Variants in ARRDC3 observed in about 807,000 individuals in gnomAD.
ARRDC3 encodes the protein arrestin domain containing 3.
A neutral mutation model predicts 47.2 loss-of-function variants in ARRDC3; 10 were observed. The observed-to-expected ratio is 0.21, with a 90% CI of 0.13 to 0.36. The LOEUF is 0.36. ARRDC3 is among the 10% of genes least tolerant of loss of function. The probability of loss-of-function intolerance (pLI) is 1.00; values close to 1 mark genes in which losing one functional copy is unlikely to be tolerated. For missense variants in ARRDC3, 381 were observed against 503.6 expected (o/e 0.76, Z 2.33); for synonymous variants, 156 against 178.3 (o/e 0.87, Z 1.00).
intron 5 of ARRDC3, among the ~76,000 whole-genome samples, chr5:91,374,687 C>A (rs939725750): frequency 5.9e-5 from 9 of 152,062 alleles, no homozygotes; most frequent in Non-Finnish European, 1.0e-4. Flanking sequence ...AGTTCAAGAC[C>A]AACCTGGGCG....
intron 1 of ARRDC3, among the ~76,000 whole-genome samples, chr5:91,382,226 T>G (rs1168394153): frequency 1.3e-5 from 2 of 152,188 alleles, no homozygotes; most frequent in Non-Finnish European, 2.9e-5. Flanking sequence ...ATGCTGGGTG[T>G]AAATTTTTAA....
chr5:91,382,429 C>T (rs1799475290), intron 1 of ARRDC3, among the ~76,000 whole-genome samples: 1 of 152,194 alleles, frequency 6.6e-6, no homozygotes, highest in African/African-American at 2.4e-5. Context: ...TCAGTTTTTA[C>T]ATCTTAGGTT....
At chr5:91,374,034 G>A (rs1799242401) in intron 6 of ARRDC3, 80 bp downstream of exon 6, 1 of 1,499,030 alleles carries the variant, frequency 6.7e-7, no homozygotes, top group Non-Finnish European at 9.1e-7. Context: ...TTCATCTAGG[G>A]TCATAAAATA....
rs555484297 is a variant in ARRDC3 at position 91,375,039 on chromosome 5, A to T, written c.753T>A (p.Arg251=). The change falls in exon 5 of 8, where the codon CGT becomes CGA. Residue 251 remains arginine (R), a synonymous_variant. Coordinates refer to ENST00000265138, the MANE Select transcript of ARRDC3 (RefSeq NM_020801.4). Reference sequence around the variant, plus strand: ...TCTTTCCAGATGATAAGGATTCCCCACGCAAGTTAGCCACAAGCTGTTTTA... The same window carrying T: ...TCTTTCCAGATGATAAGGATTCCCCTCGCAAGTTAGCCACAAGCTGTTTTA... The part of the protein sequence containing the change: ...KEVKQLVANL[R]GESLSSGKTE... 140 of 1,614,246 alleles carry T rather than the reference A, an allele frequency of 8.7e-5. No individual in the cohort carries two copies. Among genetic ancestry groups the T allele is most frequent in the Non-Finnish European group, 1.1e-4 (134 of 1,180,036 alleles).
At position 91,376,762 on chromosome 5, in the gene ARRDC3, G is replaced by C. The variant is rs758996513; in HGVS notation, c.369C>G (p.Leu123=). The stretch of plus-strand genomic sequence containing the variant: ...CATGTCGGCCTTCGAATGAGGTAGC[G>C]AGTGGTCTGTGCAGAATATAAAGGT... ...AFSFELPQTP[L]ATSFEGRHGS... The change falls in exon 3 of 8, where the codon CTC becomes CTG. Residue 123 remains leucine, a synonymous_variant. Coordinates refer to ENST00000265138, the MANE Select transcript of ARRDC3 (RefSeq NM_020801.4). 2.5e-6 allele frequency: 4 copies of C among 1,613,286 alleles called. No individual in the cohort carries two copies. The African/African-American group carries it at 4.0e-5, about 16-fold the overall frequency.
Position 91,368,634 on chromosome 5 carries a change from C to T in ARRDC3, c.*2766G>A, listed in dbSNP as rs558446600. The stretch of plus-strand genomic sequence containing the variant: ...TAGATACAATTCTTACCCAGAATGG[C>T]TTAAAATAGAGTTTAATAGTTTAAT... On this transcript the variant is annotated 3_prime_UTR_variant, in exon 8 of 8. Coordinates refer to ENST00000265138, the MANE Select transcript of ARRDC3 (RefSeq NM_020801.4). 2 of 152,272 alleles carry T rather than the reference C, an allele frequency of 1.3e-5. No homozygotes were observed. Among genetic ancestry groups the T allele is most frequent in the South Asian group, 4.1e-4 (2 of 4,828 alleles). 9.4% of individuals were successfully genotyped at this position (152,272 alleles called of 1,614,324 possible). A position where few individuals can be genotyped will look rare whatever the true frequency, so the allele number is the denominator to read the frequency against.
In ARRDC3 at chr5:91,369,952, T is replaced by C. The variant is rs1799131059; in HGVS notation, c.*1448A>G. ...TGAGTGATTTCTCATGTTTAGCAAATTGTTCTTTAGGTAATGAAAAACAGT... is the reference window on the plus strand; with the variant it reads ...TGAGTGATTTCTCATGTTTAGCAAACTGTTCTTTAGGTAATGAAAAACAGT... On this transcript the variant is annotated 3_prime_UTR_variant, in exon 8 of 8. Transcript: ENST00000265138. 1 of 152,212 alleles carries C rather than the reference T, an allele frequency of 6.6e-6. No individual in the cohort carries two copies. 9.4% of individuals were successfully genotyped at this position (152,212 alleles called of 1,614,324 possible). A position where few individuals can be genotyped will look rare whatever the true frequency, so the allele number is the denominator to read the frequency against.
intron 1 of ARRDC3, among the ~76,000 whole-genome samples, chr5:91,381,206 GGGGCATTTTGTTGGGGGTGCA>G (rs1799450370): frequency 1.3e-5 from 2 of 149,798 alleles, no homozygotes; most frequent in Admixed American, 6.7e-5. Context: ...CAGGGTTTGG[GGGGCATTTTGTTGGGGGTGCA>G]GGGCATTTAG....
chr5:91,370,909 T>A lies in ARRDC3; in HGVS notation c.*491A>T, dbSNP rs1470449563. On this transcript the variant is annotated 3_prime_UTR_variant, in exon 8 of 8. Coordinates refer to ENST00000265138, the MANE Select transcript of ARRDC3 (RefSeq NM_020801.4). ...TATATTAAATAAAAAAAAATGTCAG[T>A]GCGTTTTTTCATGTTAAAGTTTTTT... 1.3e-5 allele frequency: 2 copies of A among 151,858 alleles called. No homozygotes were observed. Among genetic ancestry groups the A allele is most frequent in the African/African-American group, 4.9e-5 (2 of 40,912 alleles). The allele number at this position is 151,858 out of a possible 1,614,324, so 9.4% of individuals were successfully genotyped here.
chr5:91,377,355 C>T (rs1427678540), intron 2 of ARRDC3, among the ~76,000 whole-genome samples: 1 of 152,054 alleles, frequency 6.6e-6, no homozygotes, highest in Non-Finnish European at 1.5e-5. Flanking sequence ...TGTTCTCTAA[C>T]TTTACGGGCT....
At chr5:91,381,714 G>T (rs1196998507) in intron 1 of ARRDC3, among the ~76,000 whole-genome samples, 1 of 152,010 alleles carries the variant, frequency 6.6e-6, no homozygotes, top group Non-Finnish European at 1.5e-5. Context: ...GCCAACATCT[G>T]AACTAAATAC....
chr5:91,378,985 G>T (rs1376661805), intron 1 of ARRDC3, among the ~76,000 whole-genome samples: 1 of 151,904 alleles, frequency 6.6e-6, no homozygotes. Context: ...GTAAAATGGG[G>T]ATAATGAATA....
At chr5:91,379,447 C>T (rs1007474936) in intron 1 of ARRDC3, among the ~76,000 whole-genome samples, 2 of 151,940 alleles carry the variant, frequency 1.3e-5, no homozygotes, top group Admixed American at 6.6e-5. Context: ...ATAAACTATA[C>T]CTTAGATAAT....
At position 91,369,714 on chromosome 5, in the gene ARRDC3, C is replaced by T. The variant is rs1176970188; in HGVS notation, c.*1686G>A. The stretch of plus-strand genomic sequence containing the variant: ...CACGTATGTTGCAACATCAGAGATG[C>T]TGGTTTTCTTTAAAAACATCAGAGC... On this transcript the variant is annotated 3_prime_UTR_variant, in exon 8 of 8. Transcript: ENST00000265138. The T allele has an allele frequency of 1.3e-5, 2 of 152,108 alleles. No homozygotes were observed. The highest frequency in any genetic ancestry group is 4.8e-5 in the African/African-American group (2 of 41,412). 9.4% of individuals were successfully genotyped at this position (152,108 alleles called of 1,614,324 possible).
Position 91,382,832 on chromosome 5 carries a change from G to A in ARRDC3, c.261C>T (p.Ile87=). 1.9e-6 allele frequency: 3 copies of A among 1,613,076 alleles called. No homozygotes were observed. The highest frequency in any genetic ancestry group is 4.5e-5 in the East Asian group (2 of 44,876). The part of the protein sequence containing the change: ...EEVEYFNHKD[I]LIGHERDDDN... ...ACTTACCTCTTTCGTGCCCAATTAAGATGTCTTTATGGTTGAAATACTCTA... is the reference window on the plus strand; with the variant it reads ...ACTTACCTCTTTCGTGCCCAATTAAAATGTCTTTATGGTTGAAATACTCTA... The change falls in exon 1 of 8, where the codon ATC becomes ATT. Residue 87 remains isoleucine (I), a synonymous_variant. Coordinates refer to ENST00000265138, the MANE Select transcript of ARRDC3 (RefSeq NM_020801.4).
At chr5:91,374,017 G>A in intron 6 of ARRDC3, 97 bp downstream of exon 6, 1 of 1,461,710 alleles carries the variant, frequency 6.8e-7, no homozygotes, top group Non-Finnish European at 9.3e-7. Context: ...TTTAGGAAAA[G>A]ATTATGTTCA....
chr5:91,376,519 C>A, intron 3 of ARRDC3, 102 bp downstream of exon 3: 6 of 1,023,776 alleles, frequency 5.9e-6, no homozygotes, highest in South Asian at 2.0e-5. Flanking sequence ...TAAAAGAAAA[C>A]CAGTATTTTT....
intron 1 of ARRDC3, chr5:91,379,752 C>T (rs1279511814): frequency 6.6e-6 from 1 of 151,574 alleles, no homozygotes; most frequent in African/African-American, 2.4e-5. Context: ...TACGATTAGC[C>T]CCCAGAGTAG....
chr5:91,371,363 C>A lies in ARRDC3; in HGVS notation c.*37G>T. 1 of 1,567,782 alleles carries A rather than the reference C, an allele frequency of 6.4e-7. No homozygotes were observed. On this transcript the variant is annotated 3_prime_UTR_variant, in exon 8 of 8. Transcript: ENST00000265138. The stretch of plus-strand genomic sequence containing the variant: ...GTCCTCAGCCGGAAGAGATACAGTT[C>A]GGAACCCACATCAACTTGATTCAAC...
Sources: gnomAD v4.1 joint callset for allele counts (sites outside exome capture counted in the v4.1 genomes callset) on GRCh38, gnomAD v4.1.1 for gene constraint, MANE v1.5 for transcripts, NCBI Gene and HGNC (gene_info 2026-07-23, HGNC 2026-07-21) for gene names.